WDFY4: variants seen among roughly 807,000 people sequenced by gnomAD.
The protein encoded by WDFY4 is WDFY family member 4.
Under a neutral mutation model 351.9 loss-of-function variants are expected in WDFY4, and 169 were observed. The ratio of observed to expected loss-of-function variants is 0.48; its 90% CI spans 0.42 to 0.55. The LOEUF is 0.55. Among genes scored for constraint, WDFY4 ranks in the 20% least tolerant of loss-of-function variants. The probability of loss-of-function intolerance (pLI) is 0.00; values close to 1 mark genes in which losing one functional copy is unlikely to be tolerated. For synonymous variants in WDFY4, 1,622 were observed against 1,574.6 expected (o/e 1.03, Z -0.71); for missense variants, 3,803 against 3,935.6 (o/e 0.97, Z 0.90).
At chr10:48,970,318 C>T (rs1842283850) in intron 57 of WDFY4, 29 bp downstream of exon 57, 15 of 1,545,250 alleles carry the variant, frequency 9.7e-6, no homozygotes, top group Non-Finnish European at 1.3e-5. Context: ...AGGTGCGGTC[C>T]TCAGGTGGGG....
intron 53 of WDFY4, among the ~76,000 whole-genome samples, chr10:48,960,682 C>A (rs1340574984): frequency 6.6e-6 from 1 of 152,126 alleles, no homozygotes; most frequent in African/African-American, 2.4e-5. Context: ...AGCTGGTGAA[C>A]AGATAAACAA....
At chr10:48,817,793 G>C (rs2067674053) in intron 32 of WDFY4, among the ~76,000 whole-genome samples, 2 of 152,184 alleles carry the variant, frequency 1.3e-5, no homozygotes, top group African/African-American at 2.4e-5. Context: ...AAAAACTTTT[G>C]CTCTTGGGAA....
At chr10:48,772,661 G>A (rs1317190983) in intron 13 of WDFY4, among the ~76,000 whole-genome samples, 4 of 147,654 alleles carry the variant, frequency 2.7e-5, no homozygotes, top group African/African-American at 1.0e-4. Context: ...TCGTCATCTA[G>A]CATTAGGTAT....
chr10:48,716,026 A>T (rs2132244752), intron 2 of WDFY4, among the ~76,000 whole-genome samples: 1 of 151,654 alleles, frequency 6.6e-6, no homozygotes, highest in East Asian at 1.9e-4. Flanking sequence ...TCCTGACTCT[A>T]CCCCATCTTG....
chr10:48,760,602 T>C (rs983968639), intron 13 of WDFY4, among the ~76,000 whole-genome samples, 162 bp downstream of exon 13: 2 of 152,214 alleles, frequency 1.3e-5, no homozygotes, highest in African/African-American at 4.8e-5. Context: ...TACCAGGGTG[T>C]CCTGGACACT....
Position 48,811,679 on chromosome 10 carries a change from C to T in WDFY4, c.5185C>T (p.Pro1729Ser). 1 of 1,551,788 alleles carries T rather than the reference C, an allele frequency of 6.4e-7. No homozygotes were observed. The highest frequency in any genetic ancestry group is 1.2e-5 in the South Asian group (1 of 84,062). The change falls in exon 30 of 62, where the codon CCA (proline) becomes TCA (serine). Residue 1729 changes from proline (P) to serine (S), a missense_variant. Pro to Ser is a moderately conservative substitution (Grantham distance 74). This residue lies in a region of WDFY4 where 3,054 missense variants were observed against 3,148.6 expected (regional missense o/e 0.97). Transcript: ENST00000325239. ...CGTCTCCACCTTCTTCCTGCAGACACCACTCACAGAGCTGATGGACGGGCC... is the reference window on the plus strand; with the variant it reads ...CGTCTCCACCTTCTTCCTGCAGACATCACTCACAGAGCTGATGGACGGGCC... ...LIVSTFFLQT[P>S]LTELMDGPKD...
At chr10:48,832,098 T>C (rs894979017) in intron 38 of WDFY4, among the ~76,000 whole-genome samples, 2 of 152,254 alleles carry the variant, frequency 1.3e-5, no homozygotes, top group Non-Finnish European at 2.9e-5. Flanking sequence ...AAATAGGATA[T>C]ACATATCCAT....
At chr10:48,925,327 G>A (rs1839480986) in intron 47 of WDFY4, among the ~76,000 whole-genome samples, 1 of 152,128 alleles carries the variant, frequency 6.6e-6, no homozygotes, top group African/African-American at 2.4e-5. Flanking sequence ...TGAAGTCCAT[G>A]GGAGGTGGAG....
chr10:48,789,990 G>A lies in WDFY4; in HGVS notation c.4066+5G>A, dbSNP rs1203531288. The A allele has an allele frequency of 6.4e-7, 1 of 1,552,008 alleles. No individual in the cohort carries two copies. Among genetic ancestry groups the A allele is most frequent in the Non-Finnish European group, 8.7e-7 (1 of 1,146,864 alleles). The stretch of plus-strand genomic sequence containing the variant: ...CTGTTGCTGTGGGTCAATTAGGTAT[G>A]TTCAACTGGGAAGCTTTGCCGCTAT... On this transcript the variant is annotated splice_donor_5th_base_variant and intron_variant, in intron 22 of 61. Transcript: ENST00000325239.
intron 15 of WDFY4, among the ~76,000 whole-genome samples, chr10:48,776,367 C>T (rs1252349543): frequency 6.6e-6 from 1 of 152,134 alleles, no homozygotes; most frequent in Non-Finnish European, 1.5e-5. Context: ...CGGTGGGAGC[C>T]CAGAGCTTAC....
At chr10:48,839,787 T>G (rs2068533377) in intron 39 of WDFY4, among the ~76,000 whole-genome samples, 1 of 152,238 alleles carries the variant, frequency 6.6e-6, no homozygotes, top group African/African-American at 2.4e-5. Context: ...GACTATCTGT[T>G]AGATAAATAA....
chr10:48,685,905 TAGGGTGGGGGTCTTGGG>T (rs1046080235), intron 1 of WDFY4, among the ~76,000 whole-genome samples: 1 of 144,292 alleles, frequency 6.9e-6, no homozygotes, highest in African/African-American at 2.6e-5. Context: ...GAATAGCAGG[TAGGGTGGGGGTCTTGGG>T]AGGGTGGGGA....
intron 47 of WDFY4, among the ~76,000 whole-genome samples, chr10:48,920,183 G>A (rs944693436): frequency 6.6e-6 from 1 of 152,130 alleles, no homozygotes; most frequent in Non-Finnish European, 1.5e-5. Context: ...ACATCTGCTA[G>A]TGATTAAAAA....
intron 55 of WDFY4, 24 bp from the exon 56 acceptor site, chr10:48,969,040 T>C: frequency 6.5e-7 from 1 of 1,547,342 alleles, no homozygotes; most frequent in Non-Finnish European, 8.7e-7. Context: ...CATGCATAAG[T>C]TCGCCATACT....
chr10:48,789,395 T>A (rs1368831089), intron 21 of WDFY4, among the ~76,000 whole-genome samples: 4 of 152,226 alleles, frequency 2.6e-5, no homozygotes, highest in Non-Finnish European at 5.9e-5. Context: ...AACTAGGTCC[T>A]GTTGATCATG....
chr10:48,775,904 G>T, intron 15 of WDFY4, 98 bp downstream of exon 15: 3 of 1,141,860 alleles, frequency 2.6e-6, no homozygotes, highest in Non-Finnish European at 3.8e-6. Context: ...AAAGCAAACA[G>T]GTTTAAACAT....
In WDFY4 at chr10:48,788,605, C is replaced by G. The variant is rs780763544; in HGVS notation, c.3884C>G (p.Ser1295Cys). ...TCTTTTGGACTTCACATAGCCAGCT[C>G]CTCTATCACCAGTGTAGCGGACATC... is the stretch of plus-strand genomic sequence containing the variant. ...RVSFGLHIAS[S>C]SITSVADIRN... The change falls in exon 21 of 62, where the codon TCC becomes TGC. Residue 1295 changes from serine to cysteine, a missense_variant. Ser to Cys is a moderately radical substitution (Grantham distance 112). Around this residue, in one of 3 missense-constraint regions of WDFY4, gnomAD observed 3,054 missense variants for 3,148.6 expected, o/e 0.97. Transcript: ENST00000325239. 1.9e-6 allele frequency: 3 copies of G among 1,551,680 alleles called. No individual in the cohort carries two copies. The highest frequency in any genetic ancestry group is 2.4e-5 in the South Asian group (2 of 84,064).
intron 27 of WDFY4, 61 bp downstream of exon 27, chr10:48,806,156 C>A: frequency 6.7e-7 from 1 of 1,496,382 alleles, no homozygotes; most frequent in Non-Finnish European, 9.1e-7. Context: ...CCCTGAGAGG[C>A]CCACATTGTG....
chr10:48,930,988 T>C (rs1055470923), intron 47 of WDFY4, among the ~76,000 whole-genome samples: 21 of 152,082 alleles, frequency 1.4e-4, no homozygotes, highest in African/African-American at 4.8e-4. Context: ...CTTTTTACTT[T>C]CCTTCTTATA....
Sources: gnomAD v4.1 joint callset for allele counts (sites outside exome capture counted in the v4.1 genomes callset) on GRCh38, gnomAD v4.1.1 for gene constraint, gnomAD v4.1.1 regional missense constraint, MANE v1.5 for transcripts, NCBI Gene and HGNC (gene_info 2026-07-23, HGNC 2026-07-21) for gene names.